Variants in PRKN observed in about 807,000 individuals in gnomAD.
PRKN encodes parkin RBR E3 ubiquitin protein ligase, also known as E3 ubiquitin-protein ligase parkin.
In PRKN, 56 loss-of-function variants were observed where a neutral mutation model predicts 59.5. The ratio of observed to expected loss-of-function variants is 0.94; its 90% confidence interval spans 0.76 to 1.18. PRKN has a LOEUF of 1.18. Ranked by LOEUF, PRKN falls within the 50% of genes most tolerant of loss-of-function variation. PRKN has a pLI of 0.00. For synonymous variants in PRKN, 250 were observed against 222.1 expected, an observed-to-expected ratio of 1.13 and a Z score of -1.12; for missense variants, 657 against 596.4, an observed-to-expected ratio of 1.10 and a Z score of -1.06.
chr6:161,984,423 A>G (rs1368304857), intron 5 of PRKN, among the ~76,000 whole-genome samples: 1 of 151,810 alleles, frequency 6.6e-6, no homozygotes, highest in Non-Finnish European at 1.5e-5. Context: ...ATGCTGGGTT[A>G]ATTTTTGTAT....
chr6:161,998,207 G>A (rs1403487566), intron 5 of PRKN, among the ~76,000 whole-genome samples: 1 of 152,016 alleles, frequency 6.6e-6, no homozygotes, highest in Admixed American at 6.6e-5. Context: ...GATAGTCTAT[G>A]AATATGAGAA....
chr6:162,414,711 A>AG (rs1788533375), intron 2 of PRKN, among the ~76,000 whole-genome samples: 1 of 93,828 alleles, frequency 1.1e-5, no homozygotes, highest in South Asian at 3.5e-4. Flanking sequence ...ACTCCGTCTC[A>AG]AAAAAAAAAA....
chr6:162,002,714 T>C (rs996691010), intron 5 of PRKN, among the ~76,000 whole-genome samples: 1 of 152,132 alleles, frequency 6.6e-6, no homozygotes, highest in Admixed American at 6.6e-5. Context: ...TTTTCTAACA[T>C]AGAAACTGAG....
intron 9 of PRKN, among the ~76,000 whole-genome samples, chr6:161,392,723 T>G (rs1786569473): frequency 6.6e-6 from 1 of 151,700 alleles, no homozygotes; most frequent in Non-Finnish European, 1.5e-5. Context: ...ACTTTTAACT[T>G]AATTCTAGTC....
At chr6:162,705,851 T>G (rs560717327) in intron 1 of PRKN, among the ~76,000 whole-genome samples, 5 of 152,272 alleles carry the variant, frequency 3.3e-5, no homozygotes, top group African/African-American at 1.2e-4. Context: ...ATTAAGGTAC[T>G]TAGAGGTAAA....
At chr6:162,527,624 A>C (rs1314982790) in intron 1 of PRKN, among the ~76,000 whole-genome samples, 1 of 152,212 alleles carries the variant, frequency 6.6e-6, no homozygotes, top group Non-Finnish European at 1.5e-5. Flanking sequence ...ACGACTGGTT[A>C]AAACTGATCG....
chr6:161,457,678 AAT>A lies in PRKN; in HGVS notation c.1084-70803_1084-70802del, dbSNP rs922874728. On this transcript the variant is annotated intron_variant, in intron 9 of 11. Transcript: ENST00000366898. The surrounding 1 kb of genome is among the most constrained non-coding windows in gnomAD (Gnocchi z 5.0). The stretch of plus-strand genomic sequence containing the variant: ...AGAAGGTCAGAAAGCAAAATCAAGG[AAT>A]ATGAAAATCTACTGTTAGGTACAAA... Among the ~76,000 whole-genome samples the A allele has an allele frequency of 1.3e-5, 2 of 152,232 alleles. No homozygotes were observed. The highest frequency in any genetic ancestry group is 2.9e-5 in the Non-Finnish European group (2 of 68,052).
chr6:162,663,712 T>C (rs541128324), intron 1 of PRKN, among the ~76,000 whole-genome samples: 5 of 151,862 alleles, frequency 3.3e-5, no homozygotes, highest in Non-Finnish European at 5.9e-5. Flanking sequence ...TCCTCACTTA[T>C]AAAAAAGAGA....
intron 1 of PRKN, among the ~76,000 whole-genome samples, chr6:162,650,563 A>C (rs905195739): frequency 1.0e-4 from 14 of 138,380 alleles, no homozygotes; most frequent in Non-Finnish European, 1.5e-4. Context: ...CCGCCACTGC[A>C]CTCCAGCCTG....
chr6:161,527,717 A>G lies in PRKN; in HGVS notation c.1083+21137T>C, dbSNP rs929530440. ...CCGTGATGCTCTAATATTCCTAGTCAGGCCAAGCTATTGCTAATCAGAACA... is the reference window on the plus strand; with the variant it reads ...CCGTGATGCTCTAATATTCCTAGTCGGGCCAAGCTATTGCTAATCAGAACA... On this transcript the variant is annotated intron_variant, in intron 9 of 11. Coordinates refer to ENST00000366898, the MANE Select transcript of PRKN (RefSeq NM_004562.3). This position sits in a 1 kb window ranked among gnomAD's most constrained non-coding sequence, Gnocchi z 4.6. Among the ~76,000 whole-genome samples, 1 of 152,236 alleles carries G rather than the reference A, an allele frequency of 6.6e-6. No homozygotes were observed. Among genetic ancestry groups the G allele is most frequent in the Non-Finnish European group, 1.5e-5 (1 of 68,040 alleles).
chr6:162,423,724 A>G (rs1454923793), intron 2 of PRKN, among the ~76,000 whole-genome samples: 1 of 152,174 alleles, frequency 6.6e-6, no homozygotes, highest in East Asian at 1.9e-4. Flanking sequence ...CAAGACGTTA[A>G]ATCAATTCAG....
At chr6:162,460,934 C>A (rs1053859719) in intron 1 of PRKN, among the ~76,000 whole-genome samples, 1 of 152,126 alleles carries the variant, frequency 6.6e-6, no homozygotes, top group Non-Finnish European at 1.5e-5. Flanking sequence ...AAATTACTCA[C>A]ACTGTTCTAA....
intron 1 of PRKN, among the ~76,000 whole-genome samples, chr6:162,574,255 TAAG>T (rs1653920920): frequency 6.6e-6 from 1 of 151,908 alleles, no homozygotes; most frequent in African/African-American, 2.4e-5. Context: ...GTTAGATAAA[TAAG>T]AAGGGAGTAT....
At position 161,390,735 on chromosome 6, in the gene PRKN, C is replaced by T. The variant is rs1382351832; in HGVS notation, c.1084-3858G>A. ...AACTCCTGACCTCAGGTGATCCACC[C>T]GCCTCGGCCTCCCAAAGTGCTGGGA... On this transcript the variant is annotated intron_variant, in intron 9 of 11. Transcript: ENST00000366898. This position sits in a 1 kb window ranked among gnomAD's most constrained non-coding sequence, Gnocchi z 7.0. Among the ~76,000 whole-genome samples the T allele has an allele frequency of 2.0e-5, 3 of 152,128 alleles. No individual in the cohort carries two copies. The highest frequency in any genetic ancestry group is 4.4e-5 in the Non-Finnish European group (3 of 68,034).
chr6:162,067,804 G>A (rs1277161025), intron 4 of PRKN, among the ~76,000 whole-genome samples: 1 of 152,212 alleles, frequency 6.6e-6, no homozygotes, highest in African/African-American at 2.4e-5. Flanking sequence ...ACTGAGGCTT[G>A]GAGATGCTGA....
chr6:161,567,714 C>A (rs1275414875), intron 8 of PRKN, among the ~76,000 whole-genome samples: 1 of 152,218 alleles, frequency 6.6e-6, no homozygotes, highest in South Asian at 2.1e-4. Context: ...GTGACCTGAC[C>A]TTTACAAAGC....
chr6:161,752,241 G>A (rs957563793), intron 7 of PRKN, among the ~76,000 whole-genome samples: 2 of 152,060 alleles, frequency 1.3e-5, no homozygotes, highest in African/African-American at 4.8e-5. Context: ...GTGATAGCAC[G>A]TGCCTGTAGT....
At chr6:162,341,242 A>C (rs1390119920) in intron 2 of PRKN, among the ~76,000 whole-genome samples, 1 of 152,162 alleles carries the variant, frequency 6.6e-6, no homozygotes, top group Non-Finnish European at 1.5e-5. Flanking sequence ...GGGATCATTA[A>C]AAAGTCAGGA....
chr6:161,850,593 A>C (rs1793390686), intron 6 of PRKN, among the ~76,000 whole-genome samples: 1 of 151,822 alleles, frequency 6.6e-6, no homozygotes, highest in African/African-American at 2.4e-5. Context: ...AAAAAAAAAA[A>C]ACTCTACAAA....
Sources: allele counts gnomAD v4.1 joint callset (sites outside exome capture counted in the v4.1 genomes callset), GRCh38; gene constraint gnomAD v4.1.1; non-coding constraint Gnocchi (gnomAD v3.1); transcripts MANE v1.5; gene names NCBI Gene and HGNC (gene_info 2026-07-23, HGNC 2026-07-21).